Variants in BTG4 observed in about 807,000 individuals in gnomAD.
BTG4 encodes the protein protein BTG4.
In BTG4, 10 loss-of-function variants were observed where a neutral mutation model predicts 19.3. The ratio of observed to expected loss-of-function variants is 0.52; its 90% CI spans 0.32 to 0.88. The LOEUF (loss-of-function observed/expected upper bound fraction) is 0.88. Among genes scored for constraint, BTG4 ranks in the 40% least tolerant of loss-of-function variants. The pLI, the probability that BTG4 is intolerant of heterozygous loss-of-function variation, is 0.04. For synonymous variants in BTG4, 91 were observed against 95.7 expected (o/e 0.95, Z 0.29); for missense variants, 238 against 281.9 (o/e 0.84, Z 1.11).
Position 111,498,609 on chromosome 11 carries a change from G to A in BTG4, c.168C>T (p.Ala56=), listed in dbSNP as rs954671232. The A allele has an allele frequency of 6.2e-7, 1 of 1,612,090 alleles. No individual in the cohort carries two copies. Among genetic ancestry groups the A allele is most frequent in the Non-Finnish European group, 8.5e-7 (1 of 1,179,424 alleles). Residue 56 remains alanine (A), a synonymous_variant, in exon 2 of 5, where the codon GCC becomes GCT. Transcript: ENST00000692032. The part of the protein sequence containing the change: ...WHSDCPSKGQ[A]FRCIRINNNQ... ...TCCCACATACTAGCTCTCACCTGAA[G>A]GCTTGCCCTTTAGAAGGGCAATCAG... is the stretch of plus-strand genomic sequence containing the variant.
chr11:111,437,507 C>A, the BTG4 span, among the ~76,000 whole-genome samples: 1 of 152,192 alleles, frequency 6.6e-6, no homozygotes, highest in South Asian at 2.1e-4. Flanking sequence ...CCAATCTGGG[C>A]CCAAGAGCTG....
chr11:111,398,884 A>G, the BTG4 span, among the ~76,000 whole-genome samples: 53 of 152,118 alleles, frequency 3.5e-4, 1 homozygote, highest in Non-Finnish European at 7.2e-4. Flanking sequence ...AAGGTTGAGA[A>G]CCATGTTTAT....
the BTG4 span, among the ~76,000 whole-genome samples, chr11:111,427,710 T>C: frequency 0.058 from 8,875 of 152,168 alleles, 348 homozygotes; most frequent in Middle Eastern, 0.14. Flanking sequence ...CTCTGGCAGC[T>C]CGGGGACCCC....
the BTG4 span, among the ~76,000 whole-genome samples, chr11:111,431,067 A>T: frequency 6.6e-6 from 1 of 151,112 alleles, no homozygotes; most frequent in Non-Finnish European, 1.5e-5. Flanking sequence ...CAGTGACGAA[A>T]GGGTTTGATA....
chr11:111,465,445 G>A (rs755024693), downstream of BTG4, among the ~76,000 whole-genome samples: 13 of 152,218 alleles, frequency 8.5e-5, no homozygotes, highest in Non-Finnish European at 1.8e-4. Context: ...TTTATAATAT[G>A]CCACATACTA....
the BTG4 span, among the ~76,000 whole-genome samples, chr11:111,391,244 A>G: frequency 6.6e-6 from 1 of 152,158 alleles, no homozygotes; most frequent in Non-Finnish European, 1.5e-5. Context: ...TGGTTTTTGA[A>G]GACAATGGCC....
chr11:111,506,307 A>C (rs1310959355), intron 1 of BTG4, among the ~76,000 whole-genome samples: 4 of 152,164 alleles, frequency 2.6e-5, no homozygotes, highest in Non-Finnish European at 5.9e-5. Context: ...TCATAAAAGA[A>C]GAATGAAATC....
intron 5 of BTG4, among the ~76,000 whole-genome samples, chr11:111,473,995 A>AT (rs1864242663): frequency 6.6e-6 from 1 of 152,142 alleles, no homozygotes; most frequent in African/African-American, 2.4e-5. Context: ...CATCACTAAT[A>AT]TTTTGTAAGG....
At chr11:111,486,456 A>T (rs1865068586) in intron 5 of BTG4, among the ~76,000 whole-genome samples, 3 of 152,138 alleles carry the variant, frequency 2.0e-5, no homozygotes, top group Admixed American at 2.0e-4. Context: ...AAATAAATAC[A>T]CACATACATA....
At chr11:111,388,101 G>T in the BTG4 span, among the ~76,000 whole-genome samples, 2 of 152,176 alleles carry the variant, frequency 1.3e-5, no homozygotes, top group African/African-American at 4.8e-5. Context: ...AAGTCCCTAT[G>T]CTCAAGCAAG....
intron 5 of BTG4, among the ~76,000 whole-genome samples, chr11:111,474,444 A>C (rs1864278299): frequency 6.6e-6 from 1 of 152,128 alleles, no homozygotes; most frequent in Non-Finnish European, 1.5e-5. Flanking sequence ...ATAAGATATG[A>C]GTTACTTTAT....
chr11:111,472,086 T>G (rs2135533884), intron 5 of BTG4, among the ~76,000 whole-genome samples: 1 of 152,366 alleles, frequency 6.6e-6, no homozygotes, highest in East Asian at 1.9e-4. Context: ...AAGTCCACCC[T>G]TGTTTCTCTT....
At chr11:111,475,749 T>A (rs948922990) in intron 5 of BTG4, among the ~76,000 whole-genome samples, 1 of 152,168 alleles carries the variant, frequency 6.6e-6, no homozygotes, top group Non-Finnish European at 1.5e-5. Flanking sequence ...GCCCTGTATT[T>A]ATCTGTTCTC....
downstream of BTG4, chr11:111,466,816 A>T (rs1004916647): frequency 6.6e-6 from 1 of 152,586 alleles, no homozygotes; most frequent in African/African-American, 2.4e-5. Context: ...CAACCCACTG[A>T]CCTTTCTGCC....
chr11:111,442,723 CTCTA>C, the BTG4 span, among the ~76,000 whole-genome samples: 1 of 151,322 alleles, frequency 6.6e-6, no homozygotes, highest in Non-Finnish European at 1.5e-5. Context: ...AAAAAAAACT[CTCTA>C]TCTAAATCTA....
chr11:111,402,187 C>T, the BTG4 span, among the ~76,000 whole-genome samples: 2 of 131,952 alleles, frequency 1.5e-5, no homozygotes, highest in African/African-American at 5.9e-5. Context: ...CTGCACGTGC[C>T]CTCTTGCCTG....
Position 111,494,912 on chromosome 11 carries a change from C to T in BTG4, c.*223G>A, listed in dbSNP as rs1431680709. The T allele has an allele frequency of 2.0e-6, 2 of 984,752 alleles. No homozygotes were observed. Among genetic ancestry groups the T allele is most frequent in the Non-Finnish European group, 2.4e-6 (2 of 829,396 alleles). The allele number at this position is 984,752 out of a possible 1,614,324, so 61.0% of individuals were successfully genotyped here. A position where few individuals can be genotyped will look rare whatever the true frequency, so the allele number is the denominator to read the frequency against. On this transcript the variant is annotated 3_prime_UTR_variant, in exon 5 of 5. Coordinates refer to ENST00000692032, the MANE Select transcript of BTG4 (RefSeq NM_001367975.1). Reference sequence around the variant, plus strand: ...CTTCATTCTGTTACCTTACTGGGTACATTCACTGATGTTACATAAAACTTC... The same window carrying T: ...CTTCATTCTGTTACCTTACTGGGTATATTCACTGATGTTACATAAAACTTC...
rs1316392967 is a variant in BTG4, at chr11:111,494,918, C to T, written c.*217G>A. On this transcript the variant is annotated 3_prime_UTR_variant, in exon 5 of 5. Coordinates refer to ENST00000692032, the MANE Select transcript of BTG4 (RefSeq NM_001367975.1). ...TCTGTTACCTTACTGGGTACATTCA[C>T]TGATGTTACATAAAACTTCATGTAA... 1 of 984,742 alleles carries T rather than the reference C, an allele frequency of 1.0e-6. No individual in the cohort carries two copies. The highest frequency in any genetic ancestry group is 1.7e-5 in the African/African-American group (1 of 57,172). The allele number at this position is 984,742 out of a possible 1,614,324, so 61.0% of individuals were successfully genotyped here.
At chr11:111,408,804 C>T in the BTG4 span, among the ~76,000 whole-genome samples, 1 of 152,222 alleles carries the variant, frequency 6.6e-6, no homozygotes, top group Non-Finnish European at 1.5e-5. Context: ...GTGTGCCAGG[C>T]ACCAGGTAGG....
Sources: gnomAD v4.1 joint callset for allele counts (sites outside exome capture counted in the v4.1 genomes callset) on GRCh38, gnomAD v4.1.1 for gene constraint, MANE v1.5 for transcripts, NCBI Gene and HGNC (gene_info 2026-07-23, HGNC 2026-07-21) for gene names.